Variants in ODAD2 observed in about 807,000 individuals in gnomAD.
ODAD2 encodes outer dynein arm-docking complex subunit 2.
Under a neutral mutation model 106.8 loss-of-function variants are expected in ODAD2, and 89 were observed. The observed-to-expected ratio is 0.83, with a 90% confidence interval of 0.70 to 0.99. ODAD2 has a LOEUF of 0.99. ODAD2 is among the 50% of genes least tolerant of loss of function. ODAD2 has a pLI of 0.00. For missense variants in ODAD2, 1,168 were observed against 1,238.5 expected, an observed-to-expected ratio of 0.94 and a Z score of 0.85; for synonymous variants, 404 against 436.2, an observed-to-expected ratio of 0.93 and a Z score of 0.92.
intron 19 of ODAD2, among the ~76,000 whole-genome samples, chr10:27,851,508 G>A (rs1228913439): frequency 6.6e-6 from 1 of 151,844 alleles, no homozygotes; most frequent in Admixed American, 6.6e-5. Context: ...AGATGTGAAA[G>A]GAGATCCAAA....
At chr10:27,903,085 A>G (rs1843326572) in intron 17 of ODAD2, among the ~76,000 whole-genome samples, 1 of 152,194 alleles carries the variant, frequency 6.6e-6, no homozygotes, top group Non-Finnish European at 1.5e-5. Flanking sequence ...GCAGCACATC[A>G]AAAAGCTTAC....
At chr10:27,875,411 T>C (rs1239733765) in intron 17 of ODAD2, among the ~76,000 whole-genome samples, 1 of 152,208 alleles carries the variant, frequency 6.6e-6, no homozygotes, top group Non-Finnish European at 1.5e-5. Flanking sequence ...GCTGCGTTCC[T>C]TTGGAGGGGG....
chr10:27,912,217 T>G (rs192466286), intron 16 of ODAD2, among the ~76,000 whole-genome samples: 1 of 152,298 alleles, frequency 6.6e-6, no homozygotes. Flanking sequence ...TCTGAATTCA[T>G]TTCCAGCAGT....
At chr10:27,961,409 G>T (rs1588616972) in intron 10 of ODAD2, among the ~76,000 whole-genome samples, 159 bp downstream of exon 10, 1 of 152,282 alleles carries the variant, frequency 6.6e-6, no homozygotes, top group Admixed American at 6.5e-5. Context: ...CATCCTCAGG[G>T]TAATAAGACC....
At chr10:27,828,234 A>T (rs1837217705) in intron 19 of ODAD2, among the ~76,000 whole-genome samples, 1 of 152,224 alleles carries the variant, frequency 6.6e-6, no homozygotes, top group African/African-American at 2.4e-5. Flanking sequence ...CAGCTGGGGC[A>T]AGGAGGCTCT....
At chr10:27,921,162 C>T (rs905957255) in intron 16 of ODAD2, among the ~76,000 whole-genome samples, 6 of 151,882 alleles carry the variant, frequency 4.0e-5, no homozygotes, top group African/African-American at 1.5e-4. Flanking sequence ...AATAGAAATA[C>T]CTGTTCCTTA....
At chr10:27,941,995 G>C (rs1846488025) in intron 12 of ODAD2, among the ~76,000 whole-genome samples, 1 of 152,202 alleles carries the variant, frequency 6.6e-6, no homozygotes, top group African/African-American at 2.4e-5. Context: ...ATGGCCCCAG[G>C]AAAGACGGGG....
At chr10:27,883,621 C>A (rs1841889041) in intron 17 of ODAD2, among the ~76,000 whole-genome samples, 1 of 152,010 alleles carries the variant, frequency 6.6e-6, no homozygotes, top group Admixed American at 6.6e-5. Flanking sequence ...TTATTATAAA[C>A]ATATTTGCGA....
chr10:27,977,146 T>C (rs1471581628), intron 7 of ODAD2, among the ~76,000 whole-genome samples: 2 of 151,996 alleles, frequency 1.3e-5, no homozygotes, highest in Non-Finnish European at 2.9e-5. Context: ...GAAGAAAACA[T>C]TGGAGAAATT....
Position 27,812,421 on chromosome 10 carries a change from A to G in ODAD2, c.*91T>C. 1.6e-6 allele frequency: 2 copies of G among 1,226,126 alleles called. No homozygotes were observed. Among genetic ancestry groups the G allele is most frequent in the Non-Finnish European group, 2.3e-6 (2 of 868,968 alleles). 76.0% of individuals were successfully genotyped at this position (1,226,126 alleles called of 1,614,324 possible). On this transcript the variant is annotated 3_prime_UTR_variant, in exon 20 of 20. Transcript: ENST00000305242. The stretch of plus-strand genomic sequence containing the variant: ...TTTAGATGGTTGAAAGGGTTTGCTA[A>G]CAACTGTTTCCCAATTTAGGCTTTC...
At chr10:27,935,944 G>C (rs1422250861) in intron 15 of ODAD2, among the ~76,000 whole-genome samples, 1 of 151,942 alleles carries the variant, frequency 6.6e-6, no homozygotes, top group Non-Finnish European at 1.5e-5. Context: ...TTTCTATACA[G>C]AACATTTTCC....
At chr10:27,855,401 G>A (rs2368266) in intron 19 of ODAD2, among the ~76,000 whole-genome samples, 93,993 of 151,856 alleles carry the variant, frequency 0.62, 30,266 homozygotes, top group Middle Eastern at 0.72. Context: ...TATATTCATC[G>A]ATACCAATTG....
chr10:27,949,535 A>G (rs1437533785), intron 10 of ODAD2, among the ~76,000 whole-genome samples: 2 of 152,188 alleles, frequency 1.3e-5, no homozygotes, highest in South Asian at 2.1e-4. Context: ...AGCAAACAGT[A>G]TATGCAAAAA....
At position 27,862,455 on chromosome 10, in the gene ODAD2, T is replaced by A; in HGVS notation, c.2778A>T (p.Leu926Phe). The change falls in exon 18 of 20, where the codon TTA (leucine) becomes TTT (phenylalanine). Residue 926 changes from leucine (L) to phenylalanine (F), a missense_variant. Coordinates refer to ENST00000305242, the MANE Select transcript of ODAD2 (RefSeq NM_018076.5). ...AVITDHGVVP[L>F]LSKLANTNNN... ...TTACTGTATTTGCCAGTTTGGACAA[T>A]AAAGGAACAACTCCATGATCTGTGA... 1.2e-6 allele frequency: 2 copies of A among 1,609,268 alleles called. No individual in the cohort carries two copies. Among genetic ancestry groups the A allele is most frequent in the Non-Finnish European group, 1.7e-6 (2 of 1,178,296 alleles).
intron 10 of ODAD2, chr10:27,957,585 A>G (rs1172377438): frequency 1.3e-5 from 2 of 152,342 alleles, no homozygotes; most frequent in Non-Finnish European, 2.9e-5. Flanking sequence ...ATCATCACCT[A>G]TGGGGGAGAA....
chr10:27,818,565 AC>A (rs1451819273), intron 19 of ODAD2, among the ~76,000 whole-genome samples: 1 of 152,174 alleles, frequency 6.6e-6, no homozygotes, highest in Non-Finnish European at 1.5e-5. Flanking sequence ...GGATTAGAGG[AC>A]CTAATCCTAT....
intron 17 of ODAD2, among the ~76,000 whole-genome samples, chr10:27,900,051 C>A (rs1843094435): frequency 6.6e-6 from 1 of 152,124 alleles, no homozygotes; most frequent in African/African-American, 2.4e-5. Flanking sequence ...GGACAGACAC[C>A]TTATATAGGA....
chr10:27,935,300 G>T lies in ODAD2; in HGVS notation c.2253-48C>A, dbSNP rs184602729. The T allele has an allele frequency of 3.7e-6, 6 of 1,602,224 alleles. No individual in the cohort carries two copies. In the African/African-American group the frequency reaches 6.7e-5, roughly 18 times the overall value. ...GAGAATTGGTTTTTGTATAAGGTTT[G>T]CTAAAAATTACTAAATGTTCATTCA... On this transcript the variant is annotated intron_variant, in intron 15 of 19. Coordinates refer to ENST00000305242, the MANE Select transcript of ODAD2 (RefSeq NM_018076.5).
intron 7 of ODAD2, among the ~76,000 whole-genome samples, chr10:27,978,648 C>T (rs1270383476): frequency 5.9e-5 from 9 of 151,780 alleles, no homozygotes; most frequent in Non-Finnish European, 1.0e-4. Context: ...CAAAATTAGC[C>T]GGGTGTGGTG....
Sources: allele counts gnomAD v4.1 joint callset (sites outside exome capture counted in the v4.1 genomes callset), GRCh38; gene constraint gnomAD v4.1.1; transcripts MANE v1.5; gene names NCBI Gene and HGNC (gene_info 2026-07-23, HGNC 2026-07-21).